Variants in CAMK2D observed in about 807,000 individuals in gnomAD.
CAMK2D encodes the protein calcium/calmodulin-dependent protein kinase type II subunit delta.
CAMK2D carries 37 observed loss-of-function variants against 84.0 expected under a neutral mutation model. The observed-to-expected ratio is 0.44, with a 90% CI of 0.34 to 0.58. CAMK2D has a LOEUF of 0.58. Ranked by LOEUF, CAMK2D falls within the 20% of genes least tolerant of loss-of-function variation. The pLI, the probability that CAMK2D is intolerant of heterozygous loss-of-function variation, is 0.02. For missense variants in CAMK2D, 448 were observed against 652.5 expected, an observed-to-expected ratio of 0.69 and a Z score of 3.41; for synonymous variants, 202 against 212.5, an observed-to-expected ratio of 0.95 and a Z score of 0.43.
intron 10 of CAMK2D, 129 bp downstream of exon 10, chr4:113,514,940 C>A: frequency 2.2e-6 from 2 of 890,210 alleles, no homozygotes; most frequent in Non-Finnish European, 3.5e-6. Flanking sequence ...TTAAACACCT[C>A]GAGTCAAAAA....
intron 2 of CAMK2D, among the ~76,000 whole-genome samples, chr4:113,732,212 CT>C (rs556335043): frequency 6.6e-6 from 1 of 152,092 alleles, no homozygotes; most frequent in South Asian, 2.1e-4. Flanking sequence ...TTGCCTCAAA[CT>C]TCTGGGCTAA....
intron 6 of CAMK2D, among the ~76,000 whole-genome samples, chr4:113,538,531 A>G (rs1168793556): frequency 2.0e-5 from 3 of 152,230 alleles, no homozygotes; most frequent in Non-Finnish European, 4.4e-5. Context: ...AAGTTGGGAA[A>G]CAATGGACTC....
chr4:113,530,233 G>A (rs2098449008), intron 8 of CAMK2D, among the ~76,000 whole-genome samples: 1 of 152,170 alleles, frequency 6.6e-6, no homozygotes, highest in Non-Finnish European at 1.5e-5. Flanking sequence ...TCTTGGGGAT[G>A]AGACCCATGT....
intron 2 of CAMK2D, among the ~76,000 whole-genome samples, chr4:113,680,129 A>T (rs1448857676): frequency 6.6e-6 from 1 of 152,056 alleles, no homozygotes; most frequent in Non-Finnish European, 1.5e-5. Context: ...CCAGTCACAA[A>T]TTTTTTCACA....
At chr4:113,602,515 C>T (rs1007345776) in intron 4 of CAMK2D, among the ~76,000 whole-genome samples, 8 of 152,184 alleles carry the variant, frequency 5.3e-5, no homozygotes, top group Non-Finnish European at 1.0e-4. Context: ...TTAGTGACAA[C>T]CTAGAGCCTG....
chr4:113,495,097 T>C (rs2097910633), intron 16 of CAMK2D, among the ~76,000 whole-genome samples: 1 of 152,164 alleles, frequency 6.6e-6, no homozygotes, highest in African/African-American at 2.4e-5. Flanking sequence ...AAATCACCCG[T>C]CTTCTGCGTC....
chr4:113,548,041 G>T (rs1180237441), intron 5 of CAMK2D, among the ~76,000 whole-genome samples: 1 of 152,086 alleles, frequency 6.6e-6, no homozygotes, highest in Non-Finnish European at 1.5e-5. Context: ...TTATAGCTGT[G>T]GTGTTCCGCC....
At chr4:113,735,581 T>C (rs891113726) in intron 2 of CAMK2D, among the ~76,000 whole-genome samples, 1 of 152,196 alleles carries the variant, frequency 6.6e-6, no homozygotes, top group Non-Finnish European at 1.5e-5. Context: ...GTTTTCATAA[T>C]AAATCATTTA....
At chr4:113,728,638 A>AT (rs1403280835) in intron 2 of CAMK2D, among the ~76,000 whole-genome samples, 7 of 152,262 alleles carry the variant, frequency 4.6e-5, no homozygotes, top group South Asian at 2.1e-4. Flanking sequence ...GGTATTTTAG[A>AT]TTTTTTTAAG....
At chr4:113,556,970 C>T (rs931994652) in intron 4 of CAMK2D, among the ~76,000 whole-genome samples, 2 of 152,106 alleles carry the variant, frequency 1.3e-5, no homozygotes, top group African/African-American at 4.8e-5. Flanking sequence ...ACTATAAGCA[C>T]CACTTCATGA....
chr4:113,623,784 T>C (rs1172364635), intron 3 of CAMK2D, among the ~76,000 whole-genome samples: 1 of 152,100 alleles, frequency 6.6e-6, no homozygotes, highest in Non-Finnish European at 1.5e-5. Flanking sequence ...TTAGTAAATA[T>C]ATCATGTTAT....
At chr4:113,646,039 G>T (rs1400507509) in intron 3 of CAMK2D, among the ~76,000 whole-genome samples, 2 of 152,208 alleles carry the variant, frequency 1.3e-5, no homozygotes, top group Admixed American at 1.3e-4. Context: ...AGCAAGTCAG[G>T]GAGAAGTCAA....
At chr4:113,604,753 T>C (rs571983565) in intron 4 of CAMK2D, among the ~76,000 whole-genome samples, 6 of 152,356 alleles carry the variant, frequency 3.9e-5, no homozygotes, top group African/African-American at 1.4e-4. Flanking sequence ...GCTTTCTTTA[T>C]GTTCTTCACC....
chr4:113,556,675 T>A (rs1029215319), intron 4 of CAMK2D, among the ~76,000 whole-genome samples: 1 of 152,134 alleles, frequency 6.6e-6, no homozygotes, highest in African/African-American at 2.4e-5. Context: ...TCCATCCATT[T>A]CTAGTTACCC....
At chr4:113,521,659 T>A (rs2098360945) in intron 8 of CAMK2D, among the ~76,000 whole-genome samples, 2 of 152,254 alleles carry the variant, frequency 1.3e-5, no homozygotes, top group South Asian at 4.2e-4. Flanking sequence ...CCAAACAAGA[T>A]TATGACAGGA....
intron 2 of CAMK2D, among the ~76,000 whole-genome samples, chr4:113,724,347 TTATG>T (rs2148670762): frequency 6.6e-6 from 1 of 152,054 alleles, no homozygotes; most frequent in African/African-American, 2.4e-5. Flanking sequence ...ACTCTGAAAA[TTATG>T]TTTGGAATTG....
intron 2 of CAMK2D, among the ~76,000 whole-genome samples, chr4:113,681,654 T>G (rs1479936606): frequency 6.6e-6 from 1 of 152,190 alleles, no homozygotes; most frequent in Admixed American, 6.5e-5. Context: ...AAGATTATTT[T>G]GAGTAACAAA....
chr4:113,500,398 CTTTT>C, intron 16 of CAMK2D, 61 bp downstream of exon 16: 6 of 949,140 alleles, frequency 6.3e-6, no homozygotes, highest in Non-Finnish European at 9.5e-6. Flanking sequence ...ATTTGAAGCA[CTTTT>C]TTTTTCATAT....
Position 113,708,130 on chromosome 4 carries a change from C to A in CAMK2D, c.161-46358G>T, listed in dbSNP as rs552453488. Among the ~76,000 whole-genome samples, 9 of 152,252 alleles carry A rather than the reference C, an allele frequency of 5.9e-5. No individual in the cohort carries two copies. The East Asian group carries it at 1.5e-3, about 26-fold the overall frequency. On this transcript the variant is annotated intron_variant, in intron 2 of 20. Coordinates refer to ENST00000511664, the MANE Select transcript of CAMK2D (RefSeq NM_001321571.2). ...TCTGTAATTTCCTATCCCATTCTCT[C>A]CCCCTTCCCTGGTGTTCACAGGTCT...
Sources: allele counts gnomAD v4.1 joint callset (sites outside exome capture counted in the v4.1 genomes callset), GRCh38; gene constraint gnomAD v4.1.1; transcripts MANE v1.5; gene names NCBI Gene and HGNC (gene_info 2026-07-23, HGNC 2026-07-21).